Variants in TRPC4 observed in about 807,000 individuals in gnomAD.
TRPC4 encodes the protein transient receptor potential cation channel subfamily C member 4, also known as short transient receptor potential channel 4.
TRPC4 carries 49 observed loss-of-function variants against 99.4 expected under a neutral mutation model. The ratio of observed to expected loss-of-function variants is 0.49; its 90% CI spans 0.39 to 0.63. The LOEUF (loss-of-function observed/expected upper bound fraction) is 0.63. Among genes scored for constraint, TRPC4 ranks in the 20% least tolerant of loss-of-function variants. The pLI is 0.00. For missense variants in TRPC4, 898 were observed against 1,152.9 expected (o/e 0.78, Z 3.20); for synonymous variants, 454 against 425.9 (o/e 1.07, Z -0.81).
In TRPC4 at chr13:37,769,808, G is replaced by A. The variant is rs1439885714; in HGVS notation, c.378+13148C>T. Among the ~76,000 whole-genome samples the A allele has an allele frequency of 2.6e-5, 4 of 151,470 alleles. No individual in the cohort carries two copies. The East Asian group carries it at 7.8e-4, about 30-fold the overall frequency. Reference sequence around the variant, plus strand: ...CAACCTGAAAGCATGACACAAATGTGAATCTTTAGACATAGATCAAACTGG... The same window carrying A: ...CAACCTGAAAGCATGACACAAATGTAAATCTTTAGACATAGATCAAACTGG... On this transcript the variant is annotated intron_variant, in intron 2 of 10. Coordinates refer to ENST00000379705, the MANE Select transcript of TRPC4 (RefSeq NM_016179.4).
At chr13:37,656,544 TG>T (rs1366890315) in intron 6 of TRPC4, among the ~76,000 whole-genome samples, 3 of 152,166 alleles carry the variant, frequency 2.0e-5, no homozygotes, top group Non-Finnish European at 4.4e-5. Context: ...AAGTCAATCA[TG>T]GTCAAGTGAC....
Position 37,668,462 on chromosome 13 carries a change from G to A in TRPC4, c.1375-4733C>T, listed in dbSNP as rs1952724872. ...AATTATAGACATATTAAAAAACAAA[G>A]TGGTTAGAGAATATGGATCATTTTT... is the stretch of plus-strand genomic sequence containing the variant. On this transcript the variant is annotated intron_variant, in intron 5 of 10. Coordinates refer to ENST00000379705, the MANE Select transcript of TRPC4 (RefSeq NM_016179.4). 3.9e-5 allele frequency among the ~76,000 whole-genome samples: 6 copies of A among 152,288 alleles called. No homozygotes were observed. The South Asian group carries it at 1.2e-3, about 32-fold the overall frequency.
chr13:37,809,948 T>C (rs1273523276), intron 1 of TRPC4, among the ~76,000 whole-genome samples: 1 of 152,020 alleles, frequency 6.6e-6, no homozygotes, highest in East Asian at 1.9e-4. Context: ...GATTTACAAC[T>C]AAAAAATGAC....
rs1958409202 is a variant in TRPC4 at position 37,831,081 on chromosome 13, T to G, written c.-28+38514A>C. Among the ~76,000 whole-genome samples, 5 of 151,924 alleles carry G rather than the reference T, an allele frequency of 3.3e-5. No homozygotes were observed. The South Asian group carries it at 1.0e-3, about 31-fold the overall frequency. On this transcript the variant is annotated intron_variant, in intron 1 of 10. Coordinates refer to ENST00000379705, the MANE Select transcript of TRPC4 (RefSeq NM_016179.4). Reference sequence around the variant, plus strand: ...CTCTTCGCTCTGTTAGTTGTTTCTTTTGCTGTACAGAAGAATTTTTTTTTC... The same window carrying G: ...CTCTTCGCTCTGTTAGTTGTTTCTTGTGCTGTACAGAAGAATTTTTTTTTC...
At chr13:37,643,484 A>T (rs1262128892) in intron 8 of TRPC4, among the ~76,000 whole-genome samples, 6 of 152,186 alleles carry the variant, frequency 3.9e-5, no homozygotes, top group Admixed American at 6.5e-5. Context: ...CAGCCCTCTT[A>T]TAGAGAATGC....
chr13:37,807,632 C>T (rs979337922), intron 1 of TRPC4, among the ~76,000 whole-genome samples: 1 of 151,986 alleles, frequency 6.6e-6, no homozygotes, highest in Admixed American at 6.6e-5. Flanking sequence ...AAAGGCTGTG[C>T]TCTGGACCCA....
intron 3 of TRPC4, among the ~76,000 whole-genome samples, chr13:37,693,785 A>G (rs9548020): frequency 0.89 from 135,252 of 152,200 alleles, 60,277 homozygotes; most frequent in Middle Eastern, 0.95. Context: ...ACTCATCAAT[A>G]TATATAGTGG....
intron 3 of TRPC4, among the ~76,000 whole-genome samples, chr13:37,739,265 A>C (rs542288931): frequency 6.6e-6 from 1 of 152,276 alleles, no homozygotes; most frequent in Admixed American, 6.5e-5. Flanking sequence ...TAAACATAGA[A>C]GAAGCATAAG....
At chr13:37,705,558 T>C (rs1475832418) in intron 3 of TRPC4, among the ~76,000 whole-genome samples, 3 of 152,166 alleles carry the variant, frequency 2.0e-5, no homozygotes, top group Non-Finnish European at 4.4e-5. Flanking sequence ...AATAAATATA[T>C]GCAGTTTTTA....
In TRPC4 at chr13:37,663,427, A is replaced by T. The variant is rs75514550; in HGVS notation, c.1677T>A (p.Asn559Lys). ...TCTATTAGACTTACGTTGAAAATGC[A>T]TTATTCTGCTTTTCACATCTTATGC... ...CKGIRCEKQN[N>K]AFSTLFETLQ... Residue 559 changes from asparagine (N) to lysine (K), a missense_variant, in exon 6 of 11, where the codon AAT becomes AAA. Physicochemically the swap from Asn to Lys is moderately conservative, Grantham distance 94. Transcript: ENST00000379705. 1 of 1,612,114 alleles carries T rather than the reference A, an allele frequency of 6.2e-7. No homozygotes were observed. Among genetic ancestry groups the T allele is most frequent in the East Asian group, 2.2e-5 (1 of 44,862 alleles).
chr13:37,788,964 G>A (rs1398253894), intron 1 of TRPC4, among the ~76,000 whole-genome samples: 2 of 151,906 alleles, frequency 1.3e-5, no homozygotes, highest in Non-Finnish European at 2.9e-5. Context: ...CTAAAATGTT[G>A]ATGTTCATCA....
chr13:37,758,051 G>A (rs1041706708), intron 2 of TRPC4, among the ~76,000 whole-genome samples: 1 of 151,828 alleles, frequency 6.6e-6, no homozygotes, highest in African/African-American at 2.4e-5. Context: ...GCGTATTCAC[G>A]TAAGTTACTG....
At chr13:37,762,354 A>C (rs1956245935) in intron 2 of TRPC4, among the ~76,000 whole-genome samples, 1 of 151,848 alleles carries the variant, frequency 6.6e-6, no homozygotes, top group Non-Finnish European at 1.5e-5. Flanking sequence ...TGACCCAGCC[A>C]TCCCGTTACT....
chr13:37,755,219 A>G (rs1418012561), intron 2 of TRPC4, among the ~76,000 whole-genome samples: 1 of 151,846 alleles, frequency 6.6e-6, no homozygotes, highest in African/African-American at 2.4e-5. Context: ...TGTTTGGCAT[A>G]CACTAGATTT....
At chr13:37,792,522 A>G (rs1358986645) in intron 1 of TRPC4, among the ~76,000 whole-genome samples, 1 of 152,222 alleles carries the variant, frequency 6.6e-6, no homozygotes, top group African/African-American at 2.4e-5. Context: ...CAATGAAGGC[A>G]TAACTTGTCA....
At chr13:37,860,899 G>C (rs12584216) in intron 1 of TRPC4, among the ~76,000 whole-genome samples, 40,045 of 151,182 alleles carry the variant, frequency 0.26, 5,451 homozygotes, top group Middle Eastern at 0.37. Context: ...CGCTGTCTTC[G>C]GTTTACTTAT....
intron 1 of TRPC4, among the ~76,000 whole-genome samples, chr13:37,797,237 G>T (rs1366056508): frequency 6.6e-6 from 1 of 151,828 alleles, no homozygotes; most frequent in Non-Finnish European, 1.5e-5. Context: ...CATGTTAGAG[G>T]TATCTAATCT....
chr13:37,677,753 T>C (rs1211652497), intron 4 of TRPC4, among the ~76,000 whole-genome samples: 1 of 152,068 alleles, frequency 6.6e-6, no homozygotes, highest in Non-Finnish European at 1.5e-5. Flanking sequence ...ACAGAACCAG[T>C]AGACAGAAAT....
chr13:37,700,409 A>C (rs1000458411), intron 3 of TRPC4, among the ~76,000 whole-genome samples: 18 of 152,168 alleles, frequency 1.2e-4, no homozygotes, highest in African/African-American at 4.3e-4. Context: ...GAGGAGTGGC[A>C]TGTTCAGAAT....
Sources: allele counts gnomAD v4.1 joint callset (sites outside exome capture counted in the v4.1 genomes callset), GRCh38; gene constraint gnomAD v4.1.1; transcripts MANE v1.5; gene names NCBI Gene and HGNC (gene_info 2026-07-23, HGNC 2026-07-21).